Variants in EFNA5 observed in about 807,000 individuals in gnomAD.
EFNA5 encodes the protein ephrin A5.
In EFNA5, 5 loss-of-function variants were observed where a neutral mutation model predicts 22.9. The observed-to-expected ratio is 0.22, with a 90% CI of 0.11 to 0.46. The LOEUF is 0.46. Ranked by LOEUF, EFNA5 falls within the 20% of genes least tolerant of loss-of-function variation. The pLI is 0.99. For missense variants in EFNA5, 237 were observed against 293.3 expected (o/e 0.81, Z 1.40); for synonymous variants, 113 against 112.2 (o/e 1.01, Z -0.04).
intron 1 of EFNA5, among the ~76,000 whole-genome samples, chr5:107,473,817 C>T (rs139801166): frequency 0.04 from 6,155 of 152,002 alleles, 230 homozygotes; most frequent in Admixed American, 0.11. Flanking sequence ...TGTGCCACCA[C>T]GCCCAGCGAA....
intron 1 of EFNA5, among the ~76,000 whole-genome samples, chr5:107,467,991 T>C (rs185522673): frequency 5.9e-5 from 9 of 152,354 alleles, no homozygotes; most frequent in East Asian, 5.8e-4. Context: ...AGCCAAACTT[T>C]CAATTATGAC....
At chr5:107,466,939 T>C (rs1442237881) in intron 1 of EFNA5, among the ~76,000 whole-genome samples, 1 of 151,888 alleles carries the variant, frequency 6.6e-6, no homozygotes, top group African/African-American at 2.4e-5. Context: ...AGCGTTAGGT[T>C]TGTCTTAAGT....
intron 1 of EFNA5, among the ~76,000 whole-genome samples, chr5:107,526,039 C>T (rs541328546): frequency 6.6e-6 from 1 of 152,016 alleles, no homozygotes; most frequent in South Asian, 2.1e-4. Context: ...CAGAATTGCC[C>T]GCAAAGGTCA....
At chr5:107,382,975 C>A (rs1747509402) in intron 4 of EFNA5, among the ~76,000 whole-genome samples, 1 of 152,166 alleles carries the variant, frequency 6.6e-6, no homozygotes, top group Non-Finnish European at 1.5e-5. Context: ...AATAAGGGTG[C>A]TTTTCCTTCA....
At chr5:107,569,465 T>TTA in intron 1 of EFNA5, among the ~76,000 whole-genome samples, 1 of 138,392 alleles carries the variant, frequency 7.2e-6, no homozygotes, top group Middle Eastern at 3.8e-3. Context: ...GTATATATAT[T>TTA]TATATATATG....
Position 107,381,241 on chromosome 5 carries a change from G to A in EFNA5, c.*14C>T, listed in dbSNP as rs1747447898. On this transcript the variant is annotated 3_prime_UTR_variant, in exon 5 of 5. Transcript: ENST00000333274. ...CCTGATGTTTTCTGTGACAAGTGAT[G>A]GGAGGAGACTGTGCTATAATGTCAA... 5 of 1,609,616 alleles carry A rather than the reference G, an allele frequency of 3.1e-6. No homozygotes were observed. The highest frequency in any genetic ancestry group is 1.1e-5 in the South Asian group (1 of 90,892).
intron 1 of EFNA5, among the ~76,000 whole-genome samples, chr5:107,588,194 T>C (rs902868301): frequency 1.3e-5 from 2 of 151,904 alleles, no homozygotes; most frequent in East Asian, 3.9e-4. Flanking sequence ...GCTTATGTTG[T>C]CTGAATTAGT....
At chr5:107,651,371 G>A (rs1362592208) in intron 1 of EFNA5, among the ~76,000 whole-genome samples, 3 of 152,102 alleles carry the variant, frequency 2.0e-5, no homozygotes, top group Admixed American at 2.0e-4. Flanking sequence ...AATTCCTAGA[G>A]GGGCACATAA....
chr5:107,428,217 G>A (rs866580352), intron 1 of EFNA5, among the ~76,000 whole-genome samples: 2 of 152,142 alleles, frequency 1.3e-5, no homozygotes, highest in African/African-American at 4.8e-5. Context: ...AGTGCATCTC[G>A]ATTTTGATGC....
chr5:107,563,021 C>T (rs1193557570), intron 1 of EFNA5, among the ~76,000 whole-genome samples: 2 of 152,254 alleles, frequency 1.3e-5, no homozygotes, highest in Admixed American at 1.3e-4. Flanking sequence ...CAGTGGGGTA[C>T]AAAAGTAATC....
intron 2 of EFNA5, among the ~76,000 whole-genome samples, chr5:107,406,577 T>C (rs1748228344): frequency 6.6e-6 from 1 of 152,124 alleles, no homozygotes; most frequent in Non-Finnish European, 1.5e-5. Context: ...ACACATACAA[T>C]AAGTATGTTT....
chr5:107,397,087 T>A (rs1367722142), intron 2 of EFNA5, among the ~76,000 whole-genome samples: 2 of 137,696 alleles, frequency 1.5e-5, no homozygotes, highest in African/African-American at 2.6e-5. Flanking sequence ...ACTCTTTAAT[T>A]TTTTTTTTTG....
chr5:107,633,930 T>C (rs1278933249), intron 1 of EFNA5, among the ~76,000 whole-genome samples: 1 of 152,136 alleles, frequency 6.6e-6, no homozygotes, highest in Non-Finnish European at 1.5e-5. Flanking sequence ...ATTTTAGCAG[T>C]GGGTGGCATC....
At chr5:107,523,689 T>C (rs1444713358) in intron 1 of EFNA5, among the ~76,000 whole-genome samples, 2 of 152,236 alleles carry the variant, frequency 1.3e-5, no homozygotes, top group African/African-American at 4.8e-5. Context: ...GCTCAAAAGG[T>C]TTAAGTGCAC....
In EFNA5 at chr5:107,554,720, C is replaced by G. The variant is rs145192709; in HGVS notation, c.125+115769G>C. Among the ~76,000 whole-genome samples the G allele has an allele frequency of 7.5e-3, 1,147 of 152,254 alleles. 50 individuals are homozygous for G. Among genetic ancestry groups the G allele is most frequent in the Admixed American group, 0.067 (1,029 of 15,294 alleles). On this transcript the variant is annotated intron_variant, in intron 1 of 4. Transcript: ENST00000333274. ...TATCATGTGCCAAATACTGTGAGAT[C>G]AACTTCACTATCAGTAATAACCCTA...
rs1747276703 is a variant in EFNA5 at position 107,376,925 on chromosome 5, A to G, written c.*4330T>C. The G allele has an allele frequency of 6.6e-6, 1 of 152,116 alleles. No homozygotes were observed. The highest frequency in any genetic ancestry group is 2.4e-5 in the African/African-American group (1 of 41,432). The allele number at this position is 152,116 out of a possible 1,614,324, so 9.4% of individuals were successfully genotyped here. On this transcript the variant is annotated 3_prime_UTR_variant, in exon 5 of 5. Transcript: ENST00000333274. ...TGATGAAAATCTTTAATTTTTATTT[A>G]GTTATACTTGTACGGACACGTGTAT...
intron 1 of EFNA5, among the ~76,000 whole-genome samples, chr5:107,607,598 T>C (rs773181815): frequency 1.2e-4 from 18 of 152,300 alleles, no homozygotes; most frequent in Middle Eastern, 6.8e-3. Flanking sequence ...CATCATGACA[T>C]AGACTATGTA....
chr5:107,550,369 T>C (rs1748266415), intron 1 of EFNA5, among the ~76,000 whole-genome samples: 1 of 152,200 alleles, frequency 6.6e-6, no homozygotes, highest in Non-Finnish European at 1.5e-5. Flanking sequence ...TTCCTCATCT[T>C]TATATGTATG....
At chr5:107,657,701 C>G (rs1750858879) in intron 1 of EFNA5, among the ~76,000 whole-genome samples, 1 of 152,070 alleles carries the variant, frequency 6.6e-6, no homozygotes, top group Non-Finnish European at 1.5e-5. Flanking sequence ...TAAAAATACA[C>G]CTGACTTAAA....
Sources: allele counts gnomAD v4.1 joint callset (sites outside exome capture counted in the v4.1 genomes callset), GRCh38; gene constraint gnomAD v4.1.1; transcripts MANE v1.5; gene names NCBI Gene and HGNC (gene_info 2026-07-23, HGNC 2026-07-21).